Variants in NBEA observed in about 807,000 individuals in gnomAD.
NBEA encodes the protein lysosomal-trafficking regulator 2.
In NBEA, 44 loss-of-function variants were observed where a neutral mutation model predicts 343.4. That is an observed-to-expected ratio of 0.13 (90% confidence interval 0.10 to 0.16). NBEA has a LOEUF of 0.16. NBEA is among the 10% of genes least tolerant of loss of function. NBEA has a pLI of 1.00. For missense variants in NBEA, 2,555 were observed against 3,631.3 expected, an observed-to-expected ratio of 0.70 and a Z score of 7.62; for synonymous variants, 1,175 against 1,238.7, an observed-to-expected ratio of 0.95 and a Z score of 1.08.
chr13:35,303,629 G>T (rs997090207), intron 35 of NBEA, among the ~76,000 whole-genome samples: 1 of 152,064 alleles, frequency 6.6e-6, no homozygotes, highest in Middle Eastern at 3.2e-3. Flanking sequence ...TTTTTCTGAA[G>T]AATTAACTGT....
At chr13:35,077,274 G>T (rs1206992608) in intron 10 of NBEA, among the ~76,000 whole-genome samples, 1 of 152,058 alleles carries the variant, frequency 6.6e-6, no homozygotes, top group East Asian at 1.9e-4. Flanking sequence ...TTCAATTTAG[G>T]CTTATACACA....
intron 36 of NBEA, among the ~76,000 whole-genome samples, chr13:35,344,401 C>A: frequency 6.6e-6 from 1 of 151,364 alleles, no homozygotes; most frequent in African/African-American, 2.4e-5. Context: ...TAGAAGAAAG[C>A]TAATAATAAA....
intron 30 of NBEA, among the ~76,000 whole-genome samples, chr13:35,189,093 AT>A (rs2071977905): frequency 6.6e-6 from 1 of 151,372 alleles, no homozygotes; most frequent in East Asian, 1.9e-4. Flanking sequence ...TAATTTTTGT[AT>A]TTTTAGTAGA....
chr13:35,127,134 A>T (rs373906821), intron 17 of NBEA, among the ~76,000 whole-genome samples: 23 of 152,170 alleles, frequency 1.5e-4, no homozygotes, highest in Middle Eastern at 3.2e-3. Context: ...ACTTAAATAG[A>T]AGAATACTTT....
intron 37 of NBEA, 53 bp from the exon 38 acceptor site, chr13:35,352,104 A>G: frequency 9.1e-7 from 1 of 1,102,248 alleles, no homozygotes; most frequent in Non-Finnish European, 1.2e-6. Flanking sequence ...TATCATCCTT[A>G]CTTATATGCA....
chr13:35,236,212 C>G (rs1407100071), intron 34 of NBEA, among the ~76,000 whole-genome samples: 1 of 152,084 alleles, frequency 6.6e-6, no homozygotes, highest in African/African-American at 2.4e-5. Flanking sequence ...TTCATACAAC[C>G]CAGAACTCTG....
chr13:35,421,771 T>A (rs1471911039), intron 38 of NBEA, among the ~76,000 whole-genome samples: 1 of 152,100 alleles, frequency 6.6e-6, no homozygotes, highest in East Asian at 1.9e-4. Context: ...TTTCTGGAGG[T>A]CTCATCACTG....
intron 1 of NBEA, among the ~76,000 whole-genome samples, chr13:34,975,729 A>G (rs1454400101): frequency 6.6e-6 from 1 of 151,840 alleles, no homozygotes; most frequent in Non-Finnish European, 1.5e-5. Context: ...TCAAATCAGC[A>G]AGAAAAAAAA....
chr13:35,547,595 T>C (rs2079119907), intron 41 of NBEA, among the ~76,000 whole-genome samples: 1 of 152,052 alleles, frequency 6.6e-6, no homozygotes, highest in Non-Finnish European at 1.5e-5. Context: ...AAGATAACTC[T>C]AAAGAATATT....
chr13:35,286,915 T>C (rs1027553581), intron 34 of NBEA, among the ~76,000 whole-genome samples: 10 of 152,072 alleles, frequency 6.6e-5, no homozygotes, highest in Non-Finnish European at 2.9e-5. Flanking sequence ...TACTCAGCTA[T>C]ATCTGTTTTA....
chr13:35,019,935 T>A (rs1250863053), intron 1 of NBEA, among the ~76,000 whole-genome samples: 1 of 152,162 alleles, frequency 6.6e-6, no homozygotes, highest in Admixed American at 6.5e-5. Flanking sequence ...CTTTGCTTCA[T>A]CGGGCTAGAT....
chr13:35,584,170 T>G, intron 46 of NBEA, 132 bp downstream of exon 46: 1 of 986,370 alleles, frequency 1.0e-6, no homozygotes, highest in Non-Finnish European at 1.6e-6. Flanking sequence ...ATTAAAGATT[T>G]CAAAGTAGCA....
At chr13:35,006,325 GTTTGA>G (rs1277350272) in intron 1 of NBEA, among the ~76,000 whole-genome samples, 1 of 151,882 alleles carries the variant, frequency 6.6e-6, no homozygotes, top group Non-Finnish European at 1.5e-5. Context: ...TAACATGCAT[GTTTGA>G]TTTATTAAAG....
At position 35,164,551 on chromosome 13, in the gene NBEA, A is replaced by C. The variant is rs13378340; in HGVS notation, c.4233+42A>C. 1.4e-4 allele frequency: 217 copies of C among 1,573,338 alleles called. No individual in the cohort carries two copies. In the African/African-American group the frequency reaches 2.8e-3, roughly 20 times the overall value. ...CATCTAGTGGTTATATTTTATAAATACATGACTTTAGCATTTCAGTGGTGG... is the reference window on the plus strand; with the variant it reads ...CATCTAGTGGTTATATTTTATAAATCCATGACTTTAGCATTTCAGTGGTGG... On this transcript the variant is annotated intron_variant, in intron 24 of 58. Transcript: ENST00000379939.
chr13:35,440,186 CT>C (rs1333939816), intron 39 of NBEA, among the ~76,000 whole-genome samples: 1 of 152,098 alleles, frequency 6.6e-6, no homozygotes, highest in Non-Finnish European at 1.5e-5. Flanking sequence ...AGCCCGATAA[CT>C]GATTAATTTT....
At chr13:35,475,494 G>A (rs776894510) in intron 41 of NBEA, 6 of 1,612,000 alleles carry the variant, frequency 3.7e-6, no homozygotes, top group Non-Finnish European at 8.5e-7. Flanking sequence ...CCAAGGAGTG[G>A]CACTCCTTGG....
intron 38 of NBEA, among the ~76,000 whole-genome samples, chr13:35,422,418 G>C (rs980235803): frequency 6.6e-6 from 1 of 150,986 alleles, no homozygotes; most frequent in Non-Finnish European, 1.5e-5. Flanking sequence ...TTGTCCTTGC[G>C]ATAGTCTGCT....
intron 1 of NBEA, among the ~76,000 whole-genome samples, chr13:35,002,638 G>T (rs1218569173): frequency 6.6e-6 from 1 of 152,174 alleles, no homozygotes. Flanking sequence ...TGCAGTTTCA[G>T]ATAGTGAATT....
intron 17 of NBEA, among the ~76,000 whole-genome samples, chr13:35,135,257 T>A (rs2067653420): frequency 6.6e-6 from 1 of 152,034 alleles, no homozygotes; most frequent in East Asian, 1.9e-4. Context: ...AGCCTCAAAA[T>A]AAAATGCTGG....
Sources: allele counts gnomAD v4.1 joint callset (sites outside exome capture counted in the v4.1 genomes callset), GRCh38; gene constraint gnomAD v4.1.1; transcripts MANE v1.5; gene names NCBI Gene and HGNC (gene_info 2026-07-23, HGNC 2026-07-21).